The following ZC3H14 variants were observed in gnomAD, a reference collection of about 807,000 sequenced individuals.
ZC3H14 encodes the protein zinc finger CCCH domain-containing protein 14.
ZC3H14 carries 31 observed loss-of-function variants against 92.4 expected under a neutral mutation model. That is an observed-to-expected ratio of 0.34 (90% confidence interval 0.25 to 0.45). The LOEUF (loss-of-function observed/expected upper bound fraction) is 0.45, where lower values mean the gene tolerates loss of function less well. Among genes scored for constraint, ZC3H14 ranks in the 20% least tolerant of loss-of-function variants. The probability of loss-of-function intolerance (pLI) is 1.00; values close to 1 mark genes in which losing one functional copy is unlikely to be tolerated. For synonymous variants in ZC3H14, 321 were observed against 300.9 expected (o/e 1.07, Z -0.69); for missense variants, 781 against 897.3 (o/e 0.87, Z 1.66).
chr14:88,621,714 T>C lies in ZC3H14; in HGVS notation c.*9963T>C, dbSNP rs1266479882. 1 of 292,592 alleles carries C rather than the reference T, an allele frequency of 3.4e-6. No individual in the cohort carries two copies. The highest frequency in any genetic ancestry group is 6.8e-6 in the Non-Finnish European group (1 of 146,908). 18.1% of individuals were successfully genotyped at this position (292,592 alleles called of 1,614,324 possible). A position where few individuals can be genotyped will look rare whatever the true frequency, so the allele number is the denominator to read the frequency against. On this transcript the variant is annotated 3_prime_UTR_variant, in exon 17 of 17. Transcript: ENST00000251038. Reference sequence around the variant, plus strand: ...CAGGCTGAAGATAATATCCGTATGATTTATAAATACACTTAATAAGTACAA... The same window carrying C: ...CAGGCTGAAGATAATATCCGTATGACTTATAAATACACTTAATAAGTACAA...
chr14:88,626,790 G>A lies in ZC3H14; in HGVS notation c.*15039G>A, dbSNP rs1185035734. 3 of 1,584,476 alleles carry A rather than the reference G, an allele frequency of 1.9e-6. No homozygotes were observed. In the East Asian group the frequency reaches 6.8e-5, roughly 36 times the overall value. On this transcript the variant is annotated 3_prime_UTR_variant, in exon 17 of 17. Coordinates refer to ENST00000251038, the MANE Select transcript of ZC3H14 (RefSeq NM_024824.5). ...ATGTGGCTGATGATCTAAGGCAAGAGAATGTAAAGTAGTCAAAGTCACACT... is the reference window on the plus strand; with the variant it reads ...ATGTGGCTGATGATCTAAGGCAAGAAAATGTAAAGTAGTCAAAGTCACACT...
At chr14:88,595,137 C>T (rs2083641674) in intron 9 of ZC3H14, 8 of 1,602,382 alleles carry the variant, frequency 5.0e-6, no homozygotes, top group Non-Finnish European at 6.8e-6. Flanking sequence ...ATGATATGTT[C>T]TAGGTACCCA....
chr14:88,594,629 A>G, intron 9 of ZC3H14: 1 of 1,602,950 alleles, frequency 6.2e-7, no homozygotes, highest in Non-Finnish European at 8.5e-7. Context: ...CACTGCTTTT[A>G]CTTTCGATGA....
chr14:88,601,961 A>C lies in ZC3H14; in HGVS notation c.1392A>C (p.Thr464=). The C allele has an allele frequency of 6.2e-7, 1 of 1,614,150 alleles. No individual in the cohort carries two copies. The highest frequency in any genetic ancestry group is 8.5e-7 in the Non-Finnish European group (1 of 1,179,992). Residue 464 remains threonine (T), a synonymous_variant, in exon 11 of 17, where the codon ACA becomes ACC. Coordinates refer to ENST00000251038, the MANE Select transcript of ZC3H14 (RefSeq NM_024824.5). ...TGGAATCCATGGTCCATGCAGACAC[A>C]AGATCATTTATTCTGAAGAAGCCAA... ...YDMESMVHAD[T]RSFILKKPKL...
chr14:88,577,474 TG>T (rs1258449605), intron 8 of ZC3H14, among the ~76,000 whole-genome samples: 1 of 152,226 alleles, frequency 6.6e-6, no homozygotes, highest in Non-Finnish European at 1.5e-5. Context: ...TACATATGTT[TG>T]GATAAATAGG....
Position 88,618,306 on chromosome 14 carries a change from T to C in ZC3H14, c.*6555T>C, listed in dbSNP as rs371542346. 3.7e-6 allele frequency: 6 copies of C among 1,613,664 alleles called. No homozygotes were observed. The highest frequency in any genetic ancestry group is 5.1e-6 in the Non-Finnish European group (6 of 1,179,860). Reference sequence around the variant, plus strand: ...TTTTCCTGAAGGCACTTCATAGACATGCCGTTTATAGCAGCCACTAGAGAC... The same window carrying C: ...TTTTCCTGAAGGCACTTCATAGACACGCCGTTTATAGCAGCCACTAGAGAC... On this transcript the variant is annotated 3_prime_UTR_variant, in exon 17 of 17. Transcript: ENST00000251038.
At position 88,618,011 on chromosome 14, in the gene ZC3H14, T is replaced by TAAA. The variant is rs35255737; in HGVS notation, c.*6268_*6270dup. On this transcript the variant is annotated 3_prime_UTR_variant, in exon 17 of 17. Coordinates refer to ENST00000251038, the MANE Select transcript of ZC3H14 (RefSeq NM_024824.5). ...TTTAAAGTTAAAACTTTGATTTCCTTAAAAAAAAAACTTGATAAATCATGG... is the reference window on the plus strand; with the variant it reads ...TTTAAAGTTAAAACTTTGATTTCCTTAAAAAAAAAAAAACTTGATAAATCATGG... 3.3e-3 allele frequency: 964 copies of TAAA among 288,524 alleles called. 1 individual carries two copies. Among genetic ancestry groups the TAAA allele is most frequent in the South Asian group, 9.3e-3 (89 of 9,600 alleles). 17.9% of individuals were successfully genotyped at this position (288,524 alleles called of 1,614,324 possible). A position where few individuals can be genotyped will look rare whatever the true frequency, so the allele number is the denominator to read the frequency against.
chr14:88,590,017 C>G (rs987335351), intron 9 of ZC3H14: 5 of 152,238 alleles, frequency 3.3e-5, no homozygotes, highest in Non-Finnish European at 7.3e-5. Flanking sequence ...GTAGTCCCAG[C>G]TACTCAGGAG....
Position 88,602,923 on chromosome 14 carries a change from A to T in ZC3H14, c.1610A>T (p.Glu537Val). 1.5e-5 allele frequency: 25 copies of T among 1,614,136 alleles called. No homozygotes were observed. Among genetic ancestry groups the T allele is most frequent in the Non-Finnish European group, 2.0e-5 (24 of 1,180,020 alleles). Residue 537 changes from glutamate to valine, a missense_variant, in exon 12 of 17, where the codon GAG becomes GTG. Physicochemically the swap from Glu to Val is moderately radical, Grantham distance 121 (BLOSUM62 -2). This residue lies in a region of ZC3H14 where 221 missense variants were observed against 304.7 expected (regional missense o/e 0.73). Coordinates refer to ENST00000251038, the MANE Select transcript of ZC3H14 (RefSeq NM_024824.5). ...SPPGYMSDQE[E>V]DMCFEGMKPV... ...CCAGGATACATGTCAGATCAAGAGGAGGACATGTGCTTTGAAGGAATGAAA... is the reference window on the plus strand; with the variant it reads ...CCAGGATACATGTCAGATCAAGAGGTGGACATGTGCTTTGAAGGAATGAAA...
chr14:88,603,143 G>A (rs1487099279), intron 12 of ZC3H14, 83 bp downstream of exon 12: 1 of 1,330,502 alleles, frequency 7.5e-7, no homozygotes, highest in Non-Finnish European at 1.1e-6. Context: ...ATGAATATTG[G>A]TTAAAGGCCT....
chr14:88,608,629 ATGGT>A, intron 13 of ZC3H14: 1 of 184,058 alleles, frequency 5.4e-6, no homozygotes, highest in Non-Finnish European at 1.1e-5. Context: ...AGATGGGTAT[ATGGT>A]AACTGCCCCA....
rs566705081 is a variant in ZC3H14, at chr14:88,623,354, A to G, written c.*11603A>G. On this transcript the variant is annotated 3_prime_UTR_variant, in exon 17 of 17. Transcript: ENST00000251038. ...TTGATTAGGAAGATGTAAAAAAACA[A>G]TTTTATTAAAAGGATAATGGAAATG... 5.9e-5 allele frequency: 9 copies of G among 152,036 alleles called. No individual in the cohort carries two copies. Among genetic ancestry groups the G allele is most frequent in the African/African-American group, 2.2e-4 (9 of 41,476 alleles). 9.4% of individuals were successfully genotyped at this position (152,036 alleles called of 1,614,324 possible).
chr14:88,611,031 C>T, intron 16 of ZC3H14, 91 bp downstream of exon 16: 1 of 1,259,134 alleles, frequency 7.9e-7, no homozygotes, highest in Non-Finnish European at 1.1e-6. Context: ...AAATTGGAAA[C>T]TAGACTGTTA....
In ZC3H14 at chr14:88,616,837, A is replaced by G. The variant is rs1038135760; in HGVS notation, c.*5086A>G. The G allele has an allele frequency of 6.8e-6, 11 of 1,613,738 alleles. No homozygotes were observed. The highest frequency in any genetic ancestry group is 6.7e-5 in the African/African-American group (5 of 74,930). On this transcript the variant is annotated 3_prime_UTR_variant, in exon 17 of 17. Transcript: ENST00000251038. ...AGGCACAGTTGACATCAGCTTTCTCAGCATGTCTGGACCAGATTCCCAAAA... is the reference window on the plus strand; with the variant it reads ...AGGCACAGTTGACATCAGCTTTCTCGGCATGTCTGGACCAGATTCCCAAAA...
chr14:88,566,205 A>C lies in ZC3H14; in HGVS notation c.80-1834A>C, dbSNP rs78990818. Among the ~76,000 whole-genome samples, 427 of 151,592 alleles carry C rather than the reference A, an allele frequency of 2.8e-3. 3 individuals carry two copies. The highest frequency in any genetic ancestry group is 9.4e-3 in the African/African-American group (387 of 41,328). ...TAAATTTTTTTTTGGAAAATTTAAT[A>C]ATGTTACTTGTGTTAATATAATTGG... On this transcript the variant is annotated intron_variant, in intron 2 of 16. Transcript: ENST00000251038.
intron 2 of ZC3H14, 93 bp downstream of exon 2, chr14:88,563,786 A>C: frequency 8.2e-7 from 1 of 1,225,370 alleles, no homozygotes; most frequent in Non-Finnish European, 1.2e-6. Flanking sequence ...TACTTTGGAC[A>C]TTGGGAGAGA....
chr14:88,592,966 C>G (rs1333208877), intron 9 of ZC3H14, among the ~76,000 whole-genome samples: 1 of 134,664 alleles, frequency 7.4e-6, no homozygotes, highest in Non-Finnish European at 1.6e-5. Flanking sequence ...GAAGTCTTTA[C>G]TATTCTTTTT....
In ZC3H14 at chr14:88,617,396, C is replaced by T. The variant is rs888613352; in HGVS notation, c.*5645C>T. The T allele has an allele frequency of 6.5e-6, 1 of 152,736 alleles. No individual in the cohort carries two copies. Among genetic ancestry groups the T allele is most frequent in the African/African-American group, 2.4e-5 (1 of 41,454 alleles). 9.5% of individuals were successfully genotyped at this position (152,736 alleles called of 1,614,324 possible). On this transcript the variant is annotated 3_prime_UTR_variant, in exon 17 of 17. Transcript: ENST00000251038. The stretch of plus-strand genomic sequence containing the variant: ...TCCCGACCTCAGGTGATCACCCCCG[C>T]TCGGCCTCCCAAAGTGCTGGGATTA...
chr14:88,597,838 G>C (rs77660786), intron 10 of ZC3H14, among the ~76,000 whole-genome samples: 2,367 of 152,264 alleles, frequency 0.016, 62 homozygotes, highest in African/African-American at 0.052. Flanking sequence ...TTTCTCTTCT[G>C]CCTCCTTCAG....
Sources: allele counts gnomAD v4.1 joint callset (sites outside exome capture counted in the v4.1 genomes callset), GRCh38; gene constraint gnomAD v4.1.1; regional missense constraint gnomAD v4.1.1; transcripts MANE v1.5; gene names NCBI Gene and HGNC (gene_info 2026-07-23, HGNC 2026-07-21).